UGT1A5: variants seen among roughly 807,000 people sequenced by gnomAD.
UGT1A5 encodes the protein UDP-glucuronosyltransferase 1A5.
A neutral mutation model predicts 40.3 loss-of-function variants in UGT1A5; 29 were observed. The ratio of observed to expected loss-of-function variants is 0.72; its 90% CI spans 0.54 to 0.98. The LOEUF (loss-of-function observed/expected upper bound fraction) is 0.98. Among genes scored for constraint, UGT1A5 ranks in the 50% least tolerant of loss-of-function variants. The probability of loss-of-function intolerance (pLI) is 0.00; values close to 1 mark genes in which losing one functional copy is unlikely to be tolerated. For synonymous variants in UGT1A5, 257 were observed against 262.5 expected, an observed-to-expected ratio of 0.98 and a Z score of 0.20; for missense variants, 678 against 677.9, an observed-to-expected ratio of 1.00 and a Z score of 0.00.
At chr2:233,750,201 G>A (rs967986418) in intron 1 of UGT1A5, among the ~76,000 whole-genome samples, 17 of 151,984 alleles carry the variant, frequency 1.1e-4, no homozygotes, top group African/African-American at 3.6e-4. Flanking sequence ...ATGAAGTCCA[G>A]GCTGAGTCTC....
At chr2:233,732,357 TC>T (rs2078264075) in intron 1 of UGT1A5, among the ~76,000 whole-genome samples, 1 of 152,282 alleles carries the variant, frequency 6.6e-6, no homozygotes, top group South Asian at 2.1e-4. Flanking sequence ...AGTCATGAAG[TC>T]CTGGCCCATG....
At chr2:233,768,183 A>G (rs753962326) in intron 3 of UGT1A5, 37 bp from the exon 4 acceptor site, 1 of 1,614,004 alleles carries the variant, frequency 6.2e-7, no homozygotes, top group Non-Finnish European at 8.5e-7. Context: ...AAACTCAGAG[A>G]TGTAACTGCT....
At chr2:233,758,140 G>C (rs572849917) in intron 1 of UGT1A5, among the ~76,000 whole-genome samples, 1 of 152,156 alleles carries the variant, frequency 6.6e-6, no homozygotes, top group African/African-American at 2.4e-5. Context: ...GGCAGATGAG[G>C]GAATTAGCAA....
chr2:233,727,112 T>C (rs2077583232), intron 1 of UGT1A5, among the ~76,000 whole-genome samples: 1 of 152,214 alleles, frequency 6.6e-6, no homozygotes, highest in African/African-American at 2.4e-5. Context: ...TGTTTAGGTC[T>C]GTGAGATTGG....
intron 1 of UGT1A5, chr2:233,755,026 G>A (rs776900288): frequency 1.5e-6 from 2 of 1,306,986 alleles, no homozygotes; most frequent in Non-Finnish European, 2.1e-6. Context: ...TCCTTGAAGG[G>A]CCTGCCGCCT....
chr2:233,766,390 C>T (rs11679312), intron 1 of UGT1A5, among the ~76,000 whole-genome samples: 2,966 of 152,260 alleles, frequency 0.019, 34 homozygotes, highest in Non-Finnish European at 0.031. Context: ...GTCCAGCTGT[C>T]CTTGCGTCCC....
At chr2:233,724,315 G>T (rs1179998085) in intron 1 of UGT1A5, among the ~76,000 whole-genome samples, 3 of 148,806 alleles carry the variant, frequency 2.0e-5, no homozygotes, top group African/African-American at 5.0e-5. Context: ...CTCCCGGACG[G>T]GGCGGCTGGC....
In UGT1A5 at chr2:233,712,938, T is replaced by A. The variant is rs985876029; in HGVS notation, c.-54T>A. On this transcript the variant is annotated 5_prime_UTR_variant, in exon 1 of 5. Transcript: ENST00000373414. The stretch of plus-strand genomic sequence containing the variant: ...AAGGTAATTAAGACGAAGGAAACAA[T>A]TCTAGGAGGCACAACGTGGGGTGGA... The A allele has an allele frequency of 6.2e-7, 1 of 1,612,346 alleles. No individual in the cohort carries two copies.
chr2:233,746,855 T>A (rs1362666040), intron 1 of UGT1A5, among the ~76,000 whole-genome samples: 2 of 151,774 alleles, frequency 1.3e-5, no homozygotes, highest in Non-Finnish European at 2.9e-5. Flanking sequence ...AGACCTCAGC[T>A]GCAGCCTGAT....
chr2:233,771,091 C>CAGG (rs1700235837), intron 4 of UGT1A5: 1 of 152,122 alleles, frequency 6.6e-6, no homozygotes, highest in African/African-American at 2.4e-5. Flanking sequence ...AACTCACTAT[C>CAGG]AGGAAGACAG....
intron 1 of UGT1A5, among the ~76,000 whole-genome samples, chr2:233,766,473 C>CA (rs574900488): frequency 1.1e-4 from 17 of 152,240 alleles, no homozygotes; most frequent in African/African-American, 4.1e-4. Context: ...TTTTTATAGG[C>CA]ACATGATGGG....
chr2:233,734,262 T>C (rs1260850291), intron 1 of UGT1A5, among the ~76,000 whole-genome samples: 1 of 152,214 alleles, frequency 6.6e-6, no homozygotes, highest in Non-Finnish European at 1.5e-5. Context: ...GGAGGGTGTA[T>C]GTGTCCAGGA....
At chr2:233,715,160 A>T (rs1169794492) in intron 1 of UGT1A5, among the ~76,000 whole-genome samples, 1 of 152,210 alleles carries the variant, frequency 6.6e-6, no homozygotes, top group Non-Finnish European at 1.5e-5. Flanking sequence ...TGCTGGAATT[A>T]CAGGCGCGAG....
At chr2:233,721,551 A>AGT (rs1303257041) in intron 1 of UGT1A5, 1 of 163,364 alleles carries the variant, frequency 6.1e-6, no homozygotes, top group African/African-American at 2.4e-5. Context: ...TTTTTTCTTC[A>AGT]GTTTCTTCTG....
chr2:233,749,046 C>T (rs1190467042), intron 1 of UGT1A5, among the ~76,000 whole-genome samples: 1 of 151,734 alleles, frequency 6.6e-6, no homozygotes, highest in Non-Finnish European at 1.5e-5. Flanking sequence ...ATGTGGTACT[C>T]TGGGACCTGA....
chr2:233,733,255 C>T (rs2078373056), intron 1 of UGT1A5, among the ~76,000 whole-genome samples: 1 of 152,174 alleles, frequency 6.6e-6, no homozygotes, highest in African/African-American at 2.4e-5. Context: ...CATCTGCAAA[C>T]AGGGACTATT....
In UGT1A5 at chr2:233,761,168, G is replaced by T. The variant is rs747133515; in HGVS notation, c.868-5866G>T. 6 of 1,614,050 alleles carry T rather than the reference G, an allele frequency of 3.7e-6. No individual in the cohort carries two copies. In the African/African-American group the frequency reaches 8.0e-5, roughly 22 times the overall value. On this transcript the variant is annotated intron_variant, in intron 1 of 4. Transcript: ENST00000373414. ...CTATCCCAGGTGTGTATTGGAGTGG[G>T]ACTTTTACATGCGTATATTCTTTCA...
chr2:233,717,775 C>T, intron 1 of UGT1A5: 1 of 456,474 alleles, frequency 2.2e-6, no homozygotes, highest in Non-Finnish European at 4.4e-6. Context: ...ATTTAATTCT[C>T]CATTTTGAAA....
rs200994534 is a variant in UGT1A5 at position 233,713,670 on chromosome 2, G to C, written c.679G>C (p.Val227Leu). Residue 227 changes from valine to leucine, a missense_variant, in exon 1 of 5, where the codon GTT becomes CTT. Transcript: ENST00000373414. ...PLALSYLCHAVSAPYASLASE... is the reference protein window; with the variant it reads ...PLALSYLCHALSAPYASLASE... ...GGCCCTGTCCTACCTTTGCCATGCTGTTTCTGCTCCTTATGCAAGCCTTGC... is the reference window on the plus strand; with the variant it reads ...GGCCCTGTCCTACCTTTGCCATGCTCTTTCTGCTCCTTATGCAAGCCTTGC... 2.4e-5 allele frequency: 39 copies of C among 1,613,840 alleles called. No individual in the cohort carries two copies. Among genetic ancestry groups the C allele is most frequent in the East Asian group, 1.8e-4 (8 of 44,894 alleles).
Sources: gnomAD v4.1 joint callset for allele counts (sites outside exome capture counted in the v4.1 genomes callset) on GRCh38, gnomAD v4.1.1 for gene constraint, MANE v1.5 for transcripts, NCBI Gene and HGNC (gene_info 2026-07-23, HGNC 2026-07-21) for gene names.